MFHAS1: variants seen among roughly 807,000 people sequenced by gnomAD.
MFHAS1 encodes the protein multifunctional ROCO family signaling regulator 1.
MFHAS1 carries 50 observed loss-of-function variants against 70.4 expected under a neutral mutation model. The ratio of observed to expected loss-of-function variants is 0.71; its 90% CI spans 0.57 to 0.90. The LOEUF (loss-of-function observed/expected upper bound fraction) is 0.90, where lower values mean the gene tolerates loss of function less well. Ranked by LOEUF, MFHAS1 falls within the 40% of genes least tolerant of loss-of-function variation. MFHAS1 has a pLI of 0.00. For missense variants in MFHAS1, 1,795 were observed against 1,347.6 expected (o/e 1.33, Z -5.20); for synonymous variants, 952 against 620.0 (o/e 1.54, Z -7.96).
chr8:8,892,338 TGCCAA>T lies in MFHAS1; in HGVS notation c.716_720del (p.Leu239HisfsTer64). On this transcript the variant is annotated frameshift_variant, in exon 1 of 3. Coordinates refer to ENST00000276282, the MANE Select transcript of MFHAS1 (RefSeq NM_004225.3). LOFTEE classifies it high-confidence loss of function. This position sits in a 1 kb window ranked among gnomAD's most constrained non-coding sequence, Gnocchi z 4.7. ...AGCTCGCAGAAGCCGGCGGGCAGCGTGCCAAGCTCGGCCCCACTCAGCCAGAGGAT... is the reference window on the plus strand; with the variant it reads ...AGCTCGCAGAAGCCGGCGGGCAGCGTGCTCGGCCCCACTCAGCCAGAGGAT... 6.2e-7 allele frequency: 1 copy of T among 1,611,410 alleles called. No individual in the cohort carries two copies. Among genetic ancestry groups the T allele is most frequent in the Non-Finnish European group, 8.5e-7 (1 of 1,179,854 alleles).
chr8:8,859,801 G>A (rs77336668), intron 1 of MFHAS1, among the ~76,000 whole-genome samples: 107 of 152,296 alleles, frequency 7.0e-4, no homozygotes, highest in Middle Eastern at 3.4e-3. Flanking sequence ...TAGGCTATTA[G>A]TAGTTAAATT....
chr8:8,849,446 G>T (rs926206315), intron 1 of MFHAS1, among the ~76,000 whole-genome samples: 3 of 152,154 alleles, frequency 2.0e-5, no homozygotes, highest in African/African-American at 4.8e-5. Context: ...TCAGTTCACT[G>T]ATTTTCTGCC....
intron 2 of MFHAS1, chr8:8,790,324 C>G: frequency 1.0e-6 from 1 of 963,380 alleles, no homozygotes; most frequent in Non-Finnish European, 1.2e-6. Context: ...GGAGACTTAC[C>G]CTTAAAAATT....
chr8:8,867,590 C>G (rs549026401), intron 1 of MFHAS1, among the ~76,000 whole-genome samples: 1 of 149,674 alleles, frequency 6.7e-6, no homozygotes. Flanking sequence ...GGTGGAGTCT[C>G]GCTGTCTCCT....
At chr8:8,881,845 G>C (rs1198242646) in intron 1 of MFHAS1, among the ~76,000 whole-genome samples, 1 of 150,368 alleles carries the variant, frequency 6.7e-6, no homozygotes, top group Admixed American at 6.6e-5. Context: ...GAAAGCAGCA[G>C]CCAGTGAACC....
intron 1 of MFHAS1, among the ~76,000 whole-genome samples, chr8:8,825,165 A>C (rs1807110624): frequency 6.6e-6 from 1 of 152,124 alleles, no homozygotes; most frequent in Non-Finnish European, 1.5e-5. Context: ...AACTTAAAGA[A>C]AAGGGTTGCG....
chr8:8,891,907 G>A lies in MFHAS1; in HGVS notation c.1152C>T (p.Val384=), dbSNP rs760160699. 6.2e-7 allele frequency: 1 copy of A among 1,610,712 alleles called. No homozygotes were observed. The highest frequency in any genetic ancestry group is 8.5e-7 in the Non-Finnish European group (1 of 1,178,214). Residue 384 remains valine, a synonymous_variant, in exon 1 of 3, where the codon GTC becomes GTT. Transcript: ENST00000276282. This position sits in a 1 kb window ranked among gnomAD's most constrained non-coding sequence, Gnocchi z 5.4. ...CGATGTAGGGGATCCCCTTCATGCA[G>A]ACCTCGTAGGGGGGCTGGATCAGTG... ...DNPLIQPPYE[V]CMKGIPYIAA...
chr8:8,786,563 T>C (rs142956348), intron 2 of MFHAS1, among the ~76,000 whole-genome samples: 4 of 152,316 alleles, frequency 2.6e-5, no homozygotes, highest in Admixed American at 1.3e-4. Context: ...GTCTGATCAA[T>C]ATAGAATGAA....
intron 1 of MFHAS1, among the ~76,000 whole-genome samples, chr8:8,858,088 C>T (rs1249811541): frequency 3.9e-5 from 6 of 152,178 alleles, no homozygotes; most frequent in Non-Finnish European, 5.9e-5. Flanking sequence ...CAGCCTTTGA[C>T]CTATCCCAAA....
chr8:8,858,486 G>A (rs1169800681), intron 1 of MFHAS1, among the ~76,000 whole-genome samples: 1 of 152,124 alleles, frequency 6.6e-6, no homozygotes, highest in Non-Finnish European at 1.5e-5. Context: ...ATTTTACTAA[G>A]ACCTAGAGCA....
At position 8,783,677 on chromosome 8, in the gene MFHAS1, T is replaced by C. The variant is rs183437943; in HGVS notation, c.*2345A>G. The C allele has an allele frequency of 6.6e-6, 1 of 152,292 alleles. No homozygotes were observed. The highest frequency in any genetic ancestry group is 6.5e-5 in the Admixed American group (1 of 15,300). The allele number at this position is 152,292 out of a possible 1,614,324, so 9.4% of individuals were successfully genotyped here. Reference sequence around the variant, plus strand: ...GAAACCCTAACAAACTTGGAGGGCATTTGTTTGAGAGGCAAGGGACGCCTT... The same window carrying C: ...GAAACCCTAACAAACTTGGAGGGCACTTGTTTGAGAGGCAAGGGACGCCTT... On this transcript the variant is annotated 3_prime_UTR_variant, in exon 3 of 3. Transcript: ENST00000276282.
At chr8:8,786,808 A>G (rs184558345) in intron 2 of MFHAS1, among the ~76,000 whole-genome samples, 66 of 152,136 alleles carry the variant, frequency 4.3e-4, no homozygotes, top group African/African-American at 1.5e-3. Context: ...TCATTAGGAG[A>G]GACGCTGATT....
chr8:8,806,012 GTTTGT>G (rs775866810), intron 1 of MFHAS1, among the ~76,000 whole-genome samples: 2 of 143,918 alleles, frequency 1.4e-5, no homozygotes, highest in Non-Finnish European at 2.9e-5. Context: ...TTGGGGGTTT[GTTTGT>G]TTTGTTTTGT....
intron 1 of MFHAS1, among the ~76,000 whole-genome samples, chr8:8,844,491 T>C (rs145709325): frequency 2.6e-4 from 39 of 152,346 alleles, no homozygotes; most frequent in African/African-American, 8.7e-4. Context: ...AAAGTTAGCA[T>C]GACTCTTGCA....
chr8:8,890,774 G>A lies in MFHAS1; in HGVS notation c.2285C>T (p.Ala762Val), dbSNP rs761537037. 1.8e-5 allele frequency: 29 copies of A among 1,613,936 alleles called. No homozygotes were observed. The highest frequency in any genetic ancestry group is 1.6e-4 in the Middle Eastern group (1 of 6,084). ...LLLGTSGEGK[A>V]EGESSPPMAR... ...CATGGGCGGGGAGCTTTCCCCCTCC[G>A]CCTTGCCCTCTCCACTGGTCCCTAG... The change falls in exon 1 of 3, where the codon GCG becomes GTG. Residue 762 changes from alanine to valine, a missense_variant. Physicochemically the swap from Ala to Val is moderately conservative, Grantham distance 64 (BLOSUM62 0). Transcript: ENST00000276282.
intron 1 of MFHAS1, among the ~76,000 whole-genome samples, chr8:8,859,072 G>A (rs1028751035): frequency 5.9e-5 from 9 of 152,204 alleles, no homozygotes; most frequent in Admixed American, 1.3e-4. Context: ...GCTCACCACG[G>A]CTGGTAGTGA....
intron 1 of MFHAS1, among the ~76,000 whole-genome samples, chr8:8,871,745 C>G (rs117659100): frequency 0.018 from 2,680 of 152,338 alleles, 64 homozygotes; most frequent in Admixed American, 0.054. Context: ...TCCTAATCCA[C>G]TGATTTAATT....
chr8:8,811,672 A>C (rs1223918998), intron 1 of MFHAS1, among the ~76,000 whole-genome samples: 1 of 152,226 alleles, frequency 6.6e-6, no homozygotes, highest in Non-Finnish European at 1.5e-5. Flanking sequence ...GCTCCACAAG[A>C]GTGGGATTTT....
chr8:8,806,946 G>C lies in MFHAS1; in HGVS notation c.2999-9455C>G, dbSNP rs112127583. Among the ~76,000 whole-genome samples the C allele has an allele frequency of 4.6e-3, 704 of 151,790 alleles. 4 individuals are homozygous for C. Among genetic ancestry groups the C allele is most frequent in the African/African-American group, 0.015 (638 of 41,254 alleles). On this transcript the variant is annotated intron_variant, in intron 1 of 2. Coordinates refer to ENST00000276282, the MANE Select transcript of MFHAS1 (RefSeq NM_004225.3). ...ACTGCACTACAGCCCTGGGGACACA[G>C]CCAGACTCTGTCTCAAAAAAAAAAA...
Sources: gnomAD v4.1 joint callset for allele counts (sites outside exome capture counted in the v4.1 genomes callset) on GRCh38, gnomAD v4.1.1 for gene constraint, Gnocchi (gnomAD v3.1) non-coding constraint, MANE v1.5 for transcripts, NCBI Gene and HGNC (gene_info 2026-07-23, HGNC 2026-07-21) for gene names.